The following NRCAM variants were observed in gnomAD, a reference collection of about 807,000 sequenced individuals.
NRCAM encodes neuronal cell adhesion molecule.
A neutral mutation model predicts 156.5 loss-of-function variants in NRCAM; 83 were observed. That is an observed-to-expected ratio of 0.53 (90% CI 0.44 to 0.64). NRCAM has a LOEUF of 0.64. NRCAM is among the 30% of genes least tolerant of loss of function. The probability of loss-of-function intolerance (pLI) is 0.00; values close to 1 mark genes in which losing one functional copy is unlikely to be tolerated. For missense variants in NRCAM, 1,417 were observed against 1,597.3 expected (o/e 0.89, Z 1.92); for synonymous variants, 538 against 563.9 (o/e 0.95, Z 0.65).
intron 1 of NRCAM, among the ~76,000 whole-genome samples, chr7:108,452,606 T>C (rs1383456065): frequency 6.6e-6 from 1 of 152,166 alleles, no homozygotes; most frequent in African/African-American, 2.4e-5. Context: ...AAGCATAAAA[T>C]TTTAAGGGAA....
At chr7:108,421,196 A>C (rs1304171679) in intron 1 of NRCAM, among the ~76,000 whole-genome samples, 3 of 152,234 alleles carry the variant, frequency 2.0e-5, no homozygotes, top group Non-Finnish European at 4.4e-5. Context: ...TAAAACGTGT[A>C]AAACAATATA....
At chr7:108,269,525 G>T (rs1237034135) in intron 3 of NRCAM, among the ~76,000 whole-genome samples, 1 of 152,150 alleles carries the variant, frequency 6.6e-6, no homozygotes, top group Non-Finnish European at 1.5e-5. Flanking sequence ...TCACTGGGAG[G>T]GAAAGGATGG....
intron 13 of NRCAM, among the ~76,000 whole-genome samples, chr7:108,201,470 G>A (rs1435984500): frequency 6.6e-6 from 1 of 152,164 alleles, no homozygotes; most frequent in East Asian, 1.9e-4. Flanking sequence ...ATATTTAATG[G>A]CTAAAGGGCT....
chr7:108,298,455 C>T (rs528057065), intron 3 of NRCAM, among the ~76,000 whole-genome samples: 1 of 150,390 alleles, frequency 6.6e-6, no homozygotes, highest in Non-Finnish European at 1.5e-5. Context: ...ACCATATTGG[C>T]TAACACGGTG....
chr7:108,150,194 C>A, intron 32 of NRCAM, 47 bp from the exon 33 acceptor site: 2 of 1,497,866 alleles, frequency 1.3e-6, no homozygotes, highest in Non-Finnish European at 1.8e-6. Context: ...ATTTAGGTAA[C>A]ATTTTCTGTT....
rs1293750533 is a variant in NRCAM, at chr7:108,178,139, C to T, written c.2852-27G>A. On this transcript the variant is annotated intron_variant, in intron 25 of 32. Coordinates refer to ENST00000379028, the MANE Select transcript of NRCAM (RefSeq NM_001037132.4). Reference sequence around the variant, plus strand: ...TTACAGTGAGAACTTACAGTCAACACAAAGATTTCTGAATGTTTCAACATG... The same window carrying T: ...TTACAGTGAGAACTTACAGTCAACATAAAGATTTCTGAATGTTTCAACATG... The T allele has an allele frequency of 4.4e-6, 7 of 1,603,998 alleles. No individual in the cohort carries two copies. The Admixed American group carries it at 5.1e-5, about 12-fold the overall frequency.
chr7:108,438,308 T>C (rs1358672474), intron 1 of NRCAM, among the ~76,000 whole-genome samples: 1 of 151,994 alleles, frequency 6.6e-6, no homozygotes, highest in African/African-American at 2.4e-5. Flanking sequence ...CGGCAGCACA[T>C]AAAAAGCATT....
intron 3 of NRCAM, among the ~76,000 whole-genome samples, chr7:108,256,123 T>C (rs1398114660): frequency 4.6e-5 from 7 of 152,004 alleles, no homozygotes; most frequent in African/African-American, 1.7e-4. Context: ...GTCTGGGAGG[T>C]GTACCCAACA....
At chr7:108,342,404 G>C (rs777746073) in intron 2 of NRCAM, among the ~76,000 whole-genome samples, 18 of 152,208 alleles carry the variant, frequency 1.2e-4, no homozygotes, top group Non-Finnish European at 2.2e-4. Flanking sequence ...AAGCAACTAA[G>C]AGGGTTCTTT....
At chr7:108,190,103 T>C (rs1022616088) in intron 19 of NRCAM, among the ~76,000 whole-genome samples, 1 of 152,140 alleles carries the variant, frequency 6.6e-6, no homozygotes, top group East Asian at 1.9e-4. Context: ...ACATGGGAAA[T>C]AGAGAAAGCA....
chr7:108,214,659 T>C (rs1352061270), intron 11 of NRCAM, among the ~76,000 whole-genome samples: 1 of 152,160 alleles, frequency 6.6e-6, no homozygotes, highest in Non-Finnish European at 1.5e-5. Context: ...TGAATTTGTT[T>C]CGGTTGCTTC....
chr7:108,238,052 G>A (rs143300837), intron 4 of NRCAM, among the ~76,000 whole-genome samples: 3 of 152,282 alleles, frequency 2.0e-5, no homozygotes, highest in African/African-American at 4.8e-5. Context: ...TAGGAATAGC[G>A]AATTCCATTC....
intron 28 of NRCAM, among the ~76,000 whole-genome samples, chr7:108,173,908 G>A (rs781716078): frequency 6.6e-6 from 1 of 152,060 alleles, no homozygotes; most frequent in South Asian, 2.1e-4. Flanking sequence ...TACTTCTAAC[G>A]TGACAAGTCC....
chr7:108,393,525 C>T (rs1227847094), intron 2 of NRCAM, among the ~76,000 whole-genome samples: 6 of 152,282 alleles, frequency 3.9e-5, no homozygotes, highest in East Asian at 3.9e-4. Flanking sequence ...TGACCCCTTG[C>T]GCTTCCCAGG....
chr7:108,269,540 C>T (rs1444382168), intron 3 of NRCAM, among the ~76,000 whole-genome samples: 4 of 152,076 alleles, frequency 2.6e-5, no homozygotes, highest in East Asian at 3.9e-4. Context: ...GGATGGGTGA[C>T]GGGGAAGGGG....
intron 13 of NRCAM, among the ~76,000 whole-genome samples, chr7:108,199,046 G>T (rs977951268): frequency 6.6e-6 from 1 of 152,172 alleles, no homozygotes; most frequent in African/African-American, 2.4e-5. Context: ...AGGGATTTAG[G>T]TCTCTGTCTC....
chr7:108,444,916 T>G (rs924300309), intron 1 of NRCAM, among the ~76,000 whole-genome samples: 1 of 152,172 alleles, frequency 6.6e-6, no homozygotes, highest in African/African-American at 2.4e-5. Flanking sequence ...CAATTTTTAA[T>G]CTCCATCTCT....
intron 3 of NRCAM, among the ~76,000 whole-genome samples, chr7:108,310,364 T>G (rs1175066009): frequency 6.6e-6 from 1 of 152,220 alleles, no homozygotes; most frequent in Non-Finnish European, 1.5e-5. Context: ...AGGTTTTCAA[T>G]GCAGGTAGAA....
chr7:108,309,955 A>G (rs1158198402), intron 3 of NRCAM, among the ~76,000 whole-genome samples: 1 of 152,216 alleles, frequency 6.6e-6, no homozygotes, highest in Non-Finnish European at 1.5e-5. Flanking sequence ...CAACTTAATT[A>G]TAAGATAAAA....
Sources: gnomAD v4.1 joint callset for allele counts (sites outside exome capture counted in the v4.1 genomes callset) on GRCh38, gnomAD v4.1.1 for gene constraint, MANE v1.5 for transcripts, NCBI Gene and HGNC (gene_info 2026-07-23, HGNC 2026-07-21) for gene names.